CACNB4: variants seen among roughly 807,000 people sequenced by gnomAD.
CACNB4 encodes calcium voltage-gated channel auxiliary subunit beta 4, also known as voltage-dependent L-type calcium channel subunit beta-4.
CACNB4 carries 32 observed loss-of-function variants against 71.2 expected under a neutral mutation model. The ratio of observed to expected loss-of-function variants is 0.45; its 90% CI spans 0.34 to 0.60. The LOEUF is 0.60. Ranked by LOEUF, CACNB4 falls within the 20% of genes least tolerant of loss-of-function variation. The pLI is 0.01. For missense variants in CACNB4, 464 were observed against 647.9 expected, an observed-to-expected ratio of 0.72 and a Z score of 3.08; for synonymous variants, 231 against 236.9, an observed-to-expected ratio of 0.97 and a Z score of 0.23.
intron 2 of CACNB4, among the ~76,000 whole-genome samples, chr2:152,052,938 C>G (rs959798505): frequency 6.6e-6 from 1 of 151,664 alleles, no homozygotes; most frequent in Non-Finnish European, 1.5e-5. Flanking sequence ...GCCGAGATCA[C>G]GCCACTGCAC....
At chr2:151,995,329 T>G (rs1309876291) in intron 2 of CACNB4, among the ~76,000 whole-genome samples, 1 of 152,228 alleles carries the variant, frequency 6.6e-6, no homozygotes, top group East Asian at 1.9e-4. Context: ...AAACATCATG[T>G]GAATTTTTTG....
At chr2:152,052,620 T>C (rs548922710) in intron 2 of CACNB4, among the ~76,000 whole-genome samples, 39 of 152,268 alleles carry the variant, frequency 2.6e-4, no homozygotes, top group African/African-American at 9.4e-4. Flanking sequence ...AGTTAAACCA[T>C]CTTAAGTCAA....
intron 9 of CACNB4, among the ~76,000 whole-genome samples, chr2:151,863,427 G>A (rs1320140417): frequency 6.6e-6 from 1 of 152,130 alleles, no homozygotes; most frequent in Non-Finnish European, 1.5e-5. Flanking sequence ...CTGCTGGATA[G>A]AAACATACAG....
intron 2 of CACNB4, among the ~76,000 whole-genome samples, chr2:152,061,879 G>A (rs959048150): frequency 1.3e-5 from 2 of 151,748 alleles, no homozygotes. Context: ...GGGTGTGGTG[G>A]CACACACCTG....
chr2:152,020,344 C>G (rs564739576), intron 2 of CACNB4, among the ~76,000 whole-genome samples: 1 of 152,170 alleles, frequency 6.6e-6, no homozygotes. Context: ...TGGGTGAGAA[C>G]TGGATAAGTG....
intron 2 of CACNB4, among the ~76,000 whole-genome samples, chr2:151,921,664 C>G (rs1169221801): frequency 6.6e-6 from 1 of 152,150 alleles, no homozygotes; most frequent in East Asian, 1.9e-4. Context: ...TGGTTTGGCT[C>G]TGTTTCCCTA....
intron 2 of CACNB4, among the ~76,000 whole-genome samples, chr2:151,925,393 G>C (rs1203331761): frequency 2.0e-5 from 3 of 152,150 alleles, no homozygotes; most frequent in Non-Finnish European, 4.4e-5. Flanking sequence ...TAAAAGTAAG[G>C]TCCTAAAGTT....
In CACNB4 at chr2:152,053,282, T is replaced by G. The variant is rs57603763; in HGVS notation, c.147+45048A>C. 5.1e-3 allele frequency among the ~76,000 whole-genome samples: 783 copies of G among 152,234 alleles called. 20 individuals carry two copies. The East Asian group carries it at 0.078, about 15-fold the overall frequency. On this transcript the variant is annotated intron_variant, in intron 2 of 13. Transcript: ENST00000539935. ...AGCTGTAAGTTGAGTTGATCACTAA[T>G]GGACAGTGATGTAGTCAATCATACC...
chr2:151,977,593 G>T (rs1253114942), intron 2 of CACNB4, among the ~76,000 whole-genome samples: 1 of 152,218 alleles, frequency 6.6e-6, no homozygotes, highest in African/African-American at 2.4e-5. Flanking sequence ...TTTGGACAGA[G>T]AGAAGAAGGA....
At chr2:152,066,803 AC>A (rs1170292408) in intron 2 of CACNB4, among the ~76,000 whole-genome samples, 2 of 130,862 alleles carry the variant, frequency 1.5e-5, no homozygotes, top group Non-Finnish European at 3.2e-5. Context: ...ACCACGGAAT[AC>A]TATGCAGCCA....
rs577980739 is a variant in CACNB4 at position 151,884,560 on chromosome 2, C to T, written c.148-1190G>A. On this transcript the variant is annotated intron_variant, in intron 2 of 13. Coordinates refer to ENST00000539935, the MANE Select transcript of CACNB4 (RefSeq NM_000726.5). The stretch of plus-strand genomic sequence containing the variant: ...TGAGGCAGGAGAATGGCGTGAACCC[C>T]GGAGGCGGAGCTTGCAGTGAGCTGA... Among the ~76,000 whole-genome samples, 9 of 148,982 alleles carry T rather than the reference C, an allele frequency of 6.0e-5. No individual in the cohort carries two copies. The East Asian group carries it at 7.9e-4, about 13-fold the overall frequency.
intron 2 of CACNB4, chr2:151,970,203 G>C (rs1349194896): frequency 6.6e-6 from 1 of 152,202 alleles, no homozygotes; most frequent in South Asian, 2.1e-4. Flanking sequence ...TCTAGTCCTA[G>C]TATGCTCAAC....
At chr2:151,949,363 C>T (rs7564060) in intron 2 of CACNB4, among the ~76,000 whole-genome samples, 1 of 151,756 alleles carries the variant, frequency 6.6e-6, no homozygotes, top group Non-Finnish European at 1.5e-5. Flanking sequence ...GTAAAAGATA[C>T]AGAGAAGCAA....
At chr2:152,020,259 T>A (rs1359254022) in intron 2 of CACNB4, among the ~76,000 whole-genome samples, 6 of 152,204 alleles carry the variant, frequency 3.9e-5, no homozygotes, top group African/African-American at 1.4e-4. Context: ...TATGTCCATT[T>A]GGGTTTTGAT....
chr2:151,979,027 A>C (rs2151746500), intron 2 of CACNB4, among the ~76,000 whole-genome samples: 1 of 151,806 alleles, frequency 6.6e-6, no homozygotes, highest in Non-Finnish European at 1.5e-5. Flanking sequence ...GCGCTCTCCC[A>C]CTGGCCTCCT....
chr2:151,950,319 C>CT (rs2099866618), intron 2 of CACNB4, among the ~76,000 whole-genome samples: 1 of 152,186 alleles, frequency 6.6e-6, no homozygotes, highest in African/African-American at 2.4e-5. Flanking sequence ...TAGAGACAGT[C>CT]ATATGTCCTT....
At chr2:151,871,503 A>G (rs999397054) in intron 6 of CACNB4, 2 of 152,472 alleles carry the variant, frequency 1.3e-5, no homozygotes, top group Non-Finnish European at 2.9e-5. Flanking sequence ...ATGGGAACGA[A>G]GCAAAATATA....
At chr2:152,035,588 CCT>C (rs1407957245) in intron 2 of CACNB4, among the ~76,000 whole-genome samples, 31 of 123,658 alleles carry the variant, frequency 2.5e-4, no homozygotes, top group Non-Finnish European at 2.8e-4. Context: ...TCTCTCTCTC[CCT>C]CTCTCTCTCT....
intron 2 of CACNB4, among the ~76,000 whole-genome samples, chr2:152,002,249 C>T (rs1308113737): frequency 6.6e-6 from 1 of 152,210 alleles, no homozygotes; most frequent in South Asian, 2.1e-4. Context: ...TGTCCTCTTT[C>T]GTCCTCTTAC....
Sources: allele counts gnomAD v4.1 joint callset (sites outside exome capture counted in the v4.1 genomes callset), GRCh38; gene constraint gnomAD v4.1.1; transcripts MANE v1.5; gene names NCBI Gene and HGNC (gene_info 2026-07-23, HGNC 2026-07-21).